Variants in DYNC2I2 observed in about 807,000 individuals in gnomAD.
DYNC2I2 encodes cytoplasmic dynein 2 intermediate chain 2.
In DYNC2I2, 39 loss-of-function variants were observed where a neutral mutation model predicts 52.0. The ratio of observed to expected loss-of-function variants is 0.75; its 90% CI spans 0.58 to 0.98. DYNC2I2 has a LOEUF of 0.98. Ranked by LOEUF, DYNC2I2 falls within the 50% of genes least tolerant of loss-of-function variation. DYNC2I2 has a pLI of 0.00. For missense variants in DYNC2I2, 743 were observed against 728.4 expected (o/e 1.02, Z -0.23); for synonymous variants, 359 against 321.1 (o/e 1.12, Z -1.26).
intron 1 of DYNC2I2, among the ~76,000 whole-genome samples, chr9:128,653,019 A>C (rs955441746): frequency 1.3e-5 from 2 of 150,396 alleles, no homozygotes; most frequent in Non-Finnish European, 2.9e-5. Context: ...ACCTAAGGTC[A>C]GGAGTTCAAG....
chr9:128,659,494 CAA>C (rs1236369943), upstream of DYNC2I2, among the ~76,000 whole-genome samples: 22 of 69,908 alleles, frequency 3.1e-4, no homozygotes, highest in African/African-American at 4.2e-4. Flanking sequence ...GACTCCGTCT[CAA>C]AAAAAAAAAA....
At chr9:128,668,834 A>G in the DYNC2I2 span, among the ~76,000 whole-genome samples, 4 of 151,890 alleles carry the variant, frequency 2.6e-5, no homozygotes, top group Non-Finnish European at 5.9e-5. Context: ...GAAAAAAAAA[A>G]AAAAGAAAAG....
chr9:128,658,586 C>A (rs1860880827), upstream of DYNC2I2, among the ~76,000 whole-genome samples: 1 of 151,792 alleles, frequency 6.6e-6, no homozygotes, highest in Admixed American at 6.6e-5. Flanking sequence ...CTCAGCCTCT[C>A]GAGTAGCTGG....
Position 128,634,728 on chromosome 9 carries a change from C to T in DYNC2I2, c.1175G>A (p.Gly392Asp), listed in dbSNP as rs1368860659. The stretch of plus-strand genomic sequence containing the variant: ...ACAGCTCACAGAGTAGATGGGACCG[C>T]CGTGGGGGGAGAAGGTAAACTGTGC... The part of the protein sequence containing the change: ...APAQFTFSPH[G>D]GPIYSVSCSP... The change falls in exon 7 of 9, where the codon GGC becomes GAC. Residue 392 changes from glycine to aspartate, a missense_variant. By Grantham distance (94) the Gly-to-Asp change is moderately conservative (BLOSUM62 -1). Coordinates refer to ENST00000372715, the MANE Select transcript of DYNC2I2 (RefSeq NM_052844.4). 6.3e-7 allele frequency: 1 copy of T among 1,592,594 alleles called. No homozygotes were observed. Among genetic ancestry groups the T allele is most frequent in the Non-Finnish European group, 8.5e-7 (1 of 1,170,310 alleles).
chr9:128,663,232 A>C, the DYNC2I2 span: 1 of 152,224 alleles, frequency 6.6e-6, no homozygotes, highest in African/African-American at 2.4e-5. Flanking sequence ...TGGGACAAAC[A>C]ATGGCCACCC....
chr9:128,655,587 G>A (rs925966332), intron 1 of DYNC2I2, among the ~76,000 whole-genome samples: 11 of 147,812 alleles, frequency 7.4e-5, no homozygotes, highest in African/African-American at 2.7e-4. Flanking sequence ...CAGCCTGGGC[G>A]ACAGAGTGAG....
At chr9:128,656,230 A>G (rs564814011) in intron 1 of DYNC2I2, among the ~76,000 whole-genome samples, 1 of 152,086 alleles carries the variant, frequency 6.6e-6, no homozygotes, top group East Asian at 1.9e-4. Flanking sequence ...CACAAAACAA[A>G]ACCAAAAAAA....
In DYNC2I2 at chr9:128,636,291, G is replaced by A. The variant is rs1369315948; in HGVS notation, c.693C>T (p.Ser231=). 2 of 1,572,532 alleles carry A rather than the reference G, an allele frequency of 1.3e-6. No homozygotes were observed. The highest frequency in any genetic ancestry group is 2.7e-5 in the African/African-American group (2 of 74,072). ...LCLAFHPTQP[S]HVAGGLYSGE... is the part of the protein sequence containing the mutation. ...CAGCAGGCAGCTCACCTGCGACGTG[G>A]GAGGGCTGCGTGGGGTGGAAGGCCA... Residue 231 remains serine, a synonymous_variant, in exon 4 of 9, where the codon TCC becomes TCT. Transcript: ENST00000372715.
intron 2 of DYNC2I2, 48 bp downstream of exon 2, chr9:128,640,643 G>C (rs769759931): frequency 5.7e-6 from 9 of 1,582,538 alleles, no homozygotes; most frequent in Middle Eastern, 3.4e-4. Flanking sequence ...AGAGGAGACA[G>C]AAGTGGGGCA....
chr9:128,647,016 T>C (rs925986394), intron 1 of DYNC2I2, among the ~76,000 whole-genome samples: 11 of 152,152 alleles, frequency 7.2e-5, no homozygotes, highest in Admixed American at 5.2e-4. Flanking sequence ...TCCCAGCTAC[T>C]TGGGAGGCAG....
At chr9:128,649,560 G>A (rs1404489167) in intron 1 of DYNC2I2, among the ~76,000 whole-genome samples, 3 of 151,382 alleles carry the variant, frequency 2.0e-5, no homozygotes, top group East Asian at 3.9e-4. Context: ...CTAGTGGGAC[G>A]CGCCTGTAAT....
the DYNC2I2 span, among the ~76,000 whole-genome samples, chr9:128,679,088 A>G: frequency 1.3e-5 from 2 of 152,088 alleles, no homozygotes; most frequent in South Asian, 2.1e-4. Flanking sequence ...AAATAAATAA[A>G]TAAAACAAAG....
At chr9:128,643,569 T>C (rs1860558190) in intron 1 of DYNC2I2, among the ~76,000 whole-genome samples, 2 of 150,938 alleles carry the variant, frequency 1.3e-5, no homozygotes, top group Non-Finnish European at 1.5e-5. Context: ...GCGCATCCTG[T>C]AGTCCCCAGC....
At chr9:128,681,310 T>G in the DYNC2I2 span, among the ~76,000 whole-genome samples, 1 of 150,132 alleles carries the variant, frequency 6.7e-6, no homozygotes, top group Non-Finnish European at 1.5e-5. Context: ...AGGCTGGTCT[T>G]AAACTCCTGA....
chr9:128,635,928 G>A (rs1860400452), intron 4 of DYNC2I2, 161 bp from the exon 5 acceptor site: 2 of 716,438 alleles, frequency 2.8e-6, no homozygotes, highest in South Asian at 3.5e-5. Flanking sequence ...CTAGCCCCCA[G>A]CTCCCCTGTT....
chr9:128,671,302 CTTT>C, the DYNC2I2 span, among the ~76,000 whole-genome samples: 409 of 135,298 alleles, frequency 3.0e-3, 6 homozygotes, highest in East Asian at 0.033. Flanking sequence ...CCCTGTCTCT[CTTT>C]TTTTTTTTTT....
chr9:128,658,950 C>T (rs1860886418), upstream of DYNC2I2, among the ~76,000 whole-genome samples: 1 of 151,568 alleles, frequency 6.6e-6, no homozygotes, highest in South Asian at 2.1e-4. Context: ...AGGCTGGTCT[C>T]GAACTCCTGG....
chr9:128,672,892 C>T, the DYNC2I2 span, among the ~76,000 whole-genome samples: 1 of 152,044 alleles, frequency 6.6e-6, no homozygotes, highest in African/African-American at 2.4e-5. Context: ...GGCGTGGTAG[C>T]GGGCACTTGT....
At chr9:128,640,984 C>A in intron 1 of DYNC2I2, 45 bp from the exon 2 acceptor site, 2 of 1,541,596 alleles carry the variant, frequency 1.3e-6, no homozygotes, top group Non-Finnish European at 1.7e-6. Flanking sequence ...GCTGTCCTCG[C>A]ACAGCCCCCA....
Sources: gnomAD v4.1 joint callset for allele counts (sites outside exome capture counted in the v4.1 genomes callset) on GRCh38, gnomAD v4.1.1 for gene constraint, MANE v1.5 for transcripts, NCBI Gene and HGNC (gene_info 2026-07-23, HGNC 2026-07-21) for gene names.